SEMA4B: variants seen among roughly 807,000 people sequenced by gnomAD.
SEMA4B encodes semaphorin 4B, also known as semaphorin-4B.
A neutral mutation model predicts 88.1 loss-of-function variants in SEMA4B; 55 were observed. The observed-to-expected ratio is 0.62, with a 90% CI of 0.50 to 0.78. The LOEUF is 0.78. Among genes scored for constraint, SEMA4B ranks in the 30% least tolerant of loss-of-function variants. SEMA4B has a pLI of 0.00. For synonymous variants in SEMA4B, 525 were observed against 473.6 expected, an observed-to-expected ratio of 1.11 and a Z score of -1.41; for missense variants, 1,062 against 1,111.9, an observed-to-expected ratio of 0.96 and a Z score of 0.64.
chr15:90,194,543 CA>C (rs963323882), intron 1 of SEMA4B, among the ~76,000 whole-genome samples: 1 of 151,112 alleles, frequency 6.6e-6, no homozygotes, highest in Non-Finnish European at 1.5e-5. Flanking sequence ...AAAAAAAAAA[CA>C]AAAAACATAT....
In SEMA4B at chr15:90,201,732, C is replaced by T. The variant is rs193014867; in HGVS notation, c.154C>T (p.Leu52=). The T allele has an allele frequency of 6.9e-7, 1 of 1,452,742 alleles. No homozygotes were observed. Among genetic ancestry groups the T allele is most frequent in the Non-Finnish European group, 9.0e-7 (1 of 1,107,488 alleles). 90.0% of individuals were successfully genotyped at this position (1,452,742 alleles called of 1,614,324 possible). Reference sequence around the variant, plus strand: ...GCTCAGCCCCCGGATCAGCCTGCCTCTGGGTGAGTGCCGGGGACCCGGGGA... The same window carrying T: ...GCTCAGCCCCCGGATCAGCCTGCCTTTGGGTGAGTGCCGGGGACCCGGGGA... ...WALSPRISLP[L]GSEERPFLRF... Residue 52 remains leucine (L), a synonymous_variant, in exon 1 of 14, where the codon CTG becomes TTG. Coordinates refer to ENST00000411539, the MANE Select transcript of SEMA4B (RefSeq NM_198925.4).
intron 7 of SEMA4B, among the ~76,000 whole-genome samples, chr15:90,222,130 G>A (rs940085648): frequency 4.6e-5 from 7 of 150,728 alleles, no homozygotes; most frequent in African/African-American, 1.7e-4. Context: ...TGTAGAGATG[G>A]GGTTTTACCA....
intron 1 of SEMA4B, among the ~76,000 whole-genome samples, chr15:90,210,711 A>T (rs1398476153): frequency 6.7e-6 from 1 of 150,108 alleles, no homozygotes; most frequent in East Asian, 1.9e-4. Context: ...GATGCTTGAG[A>T]CTGGGGGCAC....
intron 1 of SEMA4B, 118 bp from the exon 2 acceptor site, chr15:90,217,321 A>G: frequency 1.9e-6 from 2 of 1,035,640 alleles, no homozygotes; most frequent in African/African-American, 1.6e-5. Context: ...GCCCCTTGCC[A>G]TTGCCACCCT....
chr15:90,217,876 G>A (rs1402440114), intron 3 of SEMA4B, 47 bp downstream of exon 3: 1 of 1,524,404 alleles, frequency 6.6e-7, no homozygotes, highest in East Asian at 2.3e-5. Context: ...GGGATGGAGG[G>A]TGGTGGACTT....
At chr15:90,227,373 T>C (rs1261282258) in intron 12 of SEMA4B, 184 bp from the exon 13 acceptor site, 1 of 597,974 alleles carries the variant, frequency 1.7e-6, no homozygotes, top group Non-Finnish European at 3.0e-6. Context: ...GTTTATGTAA[T>C]TAAGGGAAGT....
chr15:90,218,422 T>C (rs1383360403), intron 3 of SEMA4B, among the ~76,000 whole-genome samples: 1 of 152,230 alleles, frequency 6.6e-6, no homozygotes, highest in Non-Finnish European at 1.5e-5. Context: ...CTGGCTGCCA[T>C]TCTGTTATTC....
At chr15:90,203,595 A>G (rs73477804) in intron 1 of SEMA4B, among the ~76,000 whole-genome samples, 10,053 of 152,198 alleles carry the variant, frequency 0.066, 1,079 homozygotes, top group African/African-American at 0.23. Flanking sequence ...GGTTATTATT[A>G]CCAATGCAGC....
At chr15:90,191,668 A>G (rs2151583902) in intron 1 of SEMA4B, among the ~76,000 whole-genome samples, 1 of 152,234 alleles carries the variant, frequency 6.6e-6, no homozygotes, top group East Asian at 1.9e-4. Context: ...TACCACTTCC[A>G]GGAGCAAGAA....
rs772058869 is a variant in SEMA4B at position 90,228,608 on chromosome 15, C to T, written c.2479C>T (p.Arg827Cys). 43 of 1,613,450 alleles carry T rather than the reference C, an allele frequency of 2.7e-5. No homozygotes were observed. In the Middle Eastern group the frequency reaches 8.3e-4, roughly 31 times the overall value. ...CCCAGTGTGCCCCCGGCCCCGGGTC[C>T]GCCTTGGCTCGGAGATCCGTGACTC... ...VSPVCPRPRV[R>C]LGSEIRDSVV Residue 827 changes from arginine to cysteine, a missense_variant, in exon 14 of 14, where the codon CGC becomes TGC. Arg to Cys is a radical substitution (Grantham distance 180, BLOSUM62 -3). Transcript: ENST00000411539.
intron 12 of SEMA4B, among the ~76,000 whole-genome samples, chr15:90,226,653 A>G (rs1468707219): frequency 6.6e-6 from 1 of 152,064 alleles, no homozygotes; most frequent in Non-Finnish European, 1.5e-5. Context: ...ACATTCATAT[A>G]TTTTATATAA....
chr15:90,203,480 A>T (rs1960842461), intron 1 of SEMA4B, among the ~76,000 whole-genome samples: 1 of 152,198 alleles, frequency 6.6e-6, no homozygotes, highest in Admixed American at 6.5e-5. Context: ...TTCATGTCCA[A>T]CTCTGGAACT....
intron 1 of SEMA4B, among the ~76,000 whole-genome samples, chr15:90,210,505 G>A (rs377346209): frequency 6.6e-6 from 1 of 152,184 alleles, no homozygotes; most frequent in South Asian, 2.1e-4. Context: ...AGATGCTGCA[G>A]CCAGGTGGCC....
At chr15:90,214,633 CAAA>C (rs766089827) in intron 1 of SEMA4B, among the ~76,000 whole-genome samples, 3 of 94,266 alleles carry the variant, frequency 3.2e-5, no homozygotes, top group Non-Finnish European at 4.1e-5. Flanking sequence ...AACACCATCT[CAAA>C]AAAAAAAAAA....
chr15:90,201,225 G>T, upstream of SEMA4B: 10 of 807,154 alleles, frequency 1.2e-5, no homozygotes, highest in Non-Finnish European at 1.5e-5. Context: ...GCAGCGCCCC[G>T]AGCTGCCGCC....
At chr15:90,226,632 C>T (rs74363719) in intron 12 of SEMA4B, among the ~76,000 whole-genome samples, 1,698 of 152,278 alleles carry the variant, frequency 0.011, 13 homozygotes, top group South Asian at 0.019. Flanking sequence ...TGAGCCACCG[C>T]GTCTGGCCAA....
intron 1 of SEMA4B, among the ~76,000 whole-genome samples, chr15:90,194,219 T>G (rs993665441): frequency 6.6e-6 from 1 of 151,952 alleles, no homozygotes; most frequent in Non-Finnish European, 1.5e-5. Flanking sequence ...GACACATAGC[T>G]AGTTGTTCAG....
At chr15:90,227,365 T>A (rs761004287) in intron 12 of SEMA4B, 192 bp from the exon 13 acceptor site, 1 of 592,660 alleles carries the variant, frequency 1.7e-6, no homozygotes, top group Non-Finnish European at 3.0e-6. Context: ...TACATACTGT[T>A]TATGTAATTA....
intron 7 of SEMA4B, among the ~76,000 whole-genome samples, chr15:90,222,971 T>TATATATATATACA (rs3029968): frequency 1.0e-3 from 126 of 123,662 alleles, no homozygotes; most frequent in African/African-American, 4.3e-3. Context: ...TATATATACA[T>TATATATATATACA]TTTTTTTTTT....
Sources: gnomAD v4.1 joint callset for allele counts (sites outside exome capture counted in the v4.1 genomes callset) on GRCh38, gnomAD v4.1.1 for gene constraint, MANE v1.5 for transcripts, NCBI Gene and HGNC (gene_info 2026-07-23, HGNC 2026-07-21) for gene names.